The following MITF variants were observed in gnomAD, a reference collection of about 807,000 sequenced individuals.
The protein encoded by MITF is microphthalmia-associated transcription factor.
MITF carries 17 observed loss-of-function variants against 60.5 expected under a neutral mutation model. That is an observed-to-expected ratio of 0.28 (90% CI 0.19 to 0.42). MITF has a LOEUF of 0.42. MITF is among the 10% of genes least tolerant of loss of function. MITF has a pLI of 1.00. For missense variants in MITF, 622 were observed against 683.5 expected (o/e 0.91, Z 1.00); for synonymous variants, 260 against 248.5 (o/e 1.05, Z -0.43).
chr3:69,941,384 T>C, intron 5 of MITF, 53 bp downstream of exon 5: 2 of 1,131,804 alleles, frequency 1.8e-6, no homozygotes, highest in Non-Finnish European at 2.6e-6. Context: ...CCAGGGTTCT[T>C]TTCTTTTTTC....
At chr3:69,793,455 G>T (rs2062774826) in intron 1 of MITF, among the ~76,000 whole-genome samples, 1 of 151,366 alleles carries the variant, frequency 6.6e-6, no homozygotes, top group Non-Finnish European at 1.5e-5. Context: ...TGTGCTGTGT[G>T]TTGTGGAACA....
chr3:69,814,472 A>G (rs760017517), intron 1 of MITF, among the ~76,000 whole-genome samples: 1 of 152,024 alleles, frequency 6.6e-6, no homozygotes, highest in Non-Finnish European at 1.5e-5. Flanking sequence ...CGAACTACAG[A>G]TGCCCACCAT....
At chr3:69,784,926 G>T (rs1239012826) in intron 1 of MITF, among the ~76,000 whole-genome samples, 1 of 152,152 alleles carries the variant, frequency 6.6e-6, no homozygotes, top group Non-Finnish European at 1.5e-5. Flanking sequence ...AAATCTCAAG[G>T]GTCCTGTGTC....
At chr3:69,814,898 G>T (rs994663045) in intron 1 of MITF, among the ~76,000 whole-genome samples, 1 of 152,114 alleles carries the variant, frequency 6.6e-6, no homozygotes, top group Admixed American at 6.5e-5. Context: ...AGATCATATA[G>T]TGTCTGTGTA....
Position 69,794,988 on chromosome 3 carries a change from T to C in MITF, c.104+55287T>C, listed in dbSNP as rs113199797. 4.3e-3 allele frequency among the ~76,000 whole-genome samples: 662 copies of C among 152,332 alleles called. 6 individuals carry two copies. The highest frequency in any genetic ancestry group is 0.015 in the African/African-American group (614 of 41,574). On this transcript the variant is annotated intron_variant, in intron 1 of 9. Transcript: ENST00000352241. ...TAGTAGGCTCTGTATGAATAATTTA[T>C]TCAATCTTTCTACTCATTATGGTGG...
chr3:69,749,824 C>T (rs769663231), intron 1 of MITF, among the ~76,000 whole-genome samples: 2 of 152,108 alleles, frequency 1.3e-5, no homozygotes, highest in Non-Finnish European at 2.9e-5. Flanking sequence ...ATCATCTCAG[C>T]GTGGTAATTT....
intron 1 of MITF, among the ~76,000 whole-genome samples, chr3:69,830,708 G>C (rs1186795606): frequency 2.0e-5 from 3 of 151,944 alleles, no homozygotes; most frequent in African/African-American, 7.3e-5. Flanking sequence ...AATGAAAAGG[G>C]GGTTCAATAA....
intron 2 of MITF, among the ~76,000 whole-genome samples, chr3:69,887,634 C>T (rs1372293967): frequency 6.6e-6 from 1 of 151,832 alleles, no homozygotes; most frequent in African/African-American, 2.4e-5. Flanking sequence ...AAGCAGGGGG[C>T]TGTTAAAGGA....
chr3:69,930,566 C>G (rs746709196), intron 2 of MITF, among the ~76,000 whole-genome samples: 2 of 152,174 alleles, frequency 1.3e-5, no homozygotes, highest in Non-Finnish European at 2.9e-5. Context: ...CCTAAACACA[C>G]TGTGTAAGAT....
chr3:69,938,186 C>A, intron 3 of MITF, 137 bp downstream of exon 3: 1 of 1,182,268 alleles, frequency 8.5e-7, no homozygotes. Context: ...GATTCACCAT[C>A]GTGGCTGTGG....
At chr3:69,932,016 T>G (rs753366172) in intron 2 of MITF, among the ~76,000 whole-genome samples, 78 of 152,338 alleles carry the variant, frequency 5.1e-4, no homozygotes, top group Middle Eastern at 3.4e-3. Flanking sequence ...GTTAAGACAG[T>G]AGTTGGAAAA....
intron 1 of MITF, among the ~76,000 whole-genome samples, chr3:69,851,229 T>C (rs969939230): frequency 2.6e-5 from 4 of 152,218 alleles, no homozygotes; most frequent in African/African-American, 9.6e-5. Context: ...CTGGATTTTA[T>C]TGACATAGGA....
intron 1 of MITF, among the ~76,000 whole-genome samples, chr3:69,767,741 G>A (rs933549929): frequency 6.6e-6 from 1 of 152,196 alleles, no homozygotes. Flanking sequence ...ACCAGGGAGT[G>A]CGGCCAGCTT....
intron 2 of MITF, among the ~76,000 whole-genome samples, chr3:69,916,019 C>A (rs2065326079): frequency 6.6e-6 from 1 of 152,148 alleles, no homozygotes; most frequent in African/African-American, 2.4e-5. Flanking sequence ...ATTGTTATTA[C>A]AATAATTATG....
chr3:69,878,924 T>G (rs1344436765), intron 1 of MITF, among the ~76,000 whole-genome samples: 1 of 152,114 alleles, frequency 6.6e-6, no homozygotes, highest in Non-Finnish European at 1.5e-5. Context: ...AATGCCTTGA[T>G]GCAATCAAGC....
intron 1 of MITF, among the ~76,000 whole-genome samples, chr3:69,791,562 A>G (rs2062740270): frequency 6.6e-6 from 1 of 152,178 alleles, no homozygotes; most frequent in Admixed American, 6.5e-5. Flanking sequence ...GAGGCTCAAG[A>G]CCTCTTCATG....
intron 5 of MITF, among the ~76,000 whole-genome samples, chr3:69,945,677 G>A (rs1384812793): frequency 3.9e-5 from 6 of 152,160 alleles, no homozygotes; most frequent in Non-Finnish European, 7.4e-5. Flanking sequence ...CTCAAATGTG[G>A]AACTGTTGAC....
intron 2 of MITF, among the ~76,000 whole-genome samples, chr3:69,912,626 G>C (rs2065248973): frequency 6.6e-6 from 1 of 152,176 alleles, no homozygotes; most frequent in African/African-American, 2.4e-5. Context: ...ACCAAAGAAA[G>C]TATGATCATC....
At chr3:69,741,415 A>T (rs1039840656) in intron 1 of MITF, among the ~76,000 whole-genome samples, 8 of 152,222 alleles carry the variant, frequency 5.3e-5, no homozygotes, top group Admixed American at 5.2e-4. Context: ...ATGGTAGCTG[A>T]TACATAACAT....
Sources: allele counts gnomAD v4.1 joint callset (sites outside exome capture counted in the v4.1 genomes callset), GRCh38; gene constraint gnomAD v4.1.1; transcripts MANE v1.5; gene names NCBI Gene and HGNC (gene_info 2026-07-23, HGNC 2026-07-21).